Variants in PROSER1 observed in about 807,000 individuals in gnomAD.
PROSER1 encodes the protein proline and serine-rich protein 1.
Under a neutral mutation model 71.8 loss-of-function variants are expected in PROSER1, and 36 were observed. That is an observed-to-expected ratio of 0.50 (90% CI 0.38 to 0.66). PROSER1 has a LOEUF of 0.66. Among genes scored for constraint, PROSER1 ranks in the 30% least tolerant of loss-of-function variants. The pLI, the probability that PROSER1 is intolerant of heterozygous loss-of-function variation, is 0.00. For missense variants in PROSER1, 1,107 were observed against 1,135.0 expected (o/e 0.98, Z 0.35); for synonymous variants, 490 against 452.4 (o/e 1.08, Z -1.06).
chr13:39,031,714 G>A (rs775531182), intron 2 of PROSER1, 83 bp from the exon 3 acceptor site: 3 of 1,249,780 alleles, frequency 2.4e-6, no homozygotes, highest in African/African-American at 3.0e-5. Flanking sequence ...ATTATAATTC[G>A]ACACGTGCAG....
At chr13:39,018,318 C>T (rs367633388) in intron 9 of PROSER1, among the ~76,000 whole-genome samples, 202 of 152,228 alleles carry the variant, frequency 1.3e-3, no homozygotes, top group African/African-American at 4.8e-3. Flanking sequence ...AATACTGTGA[C>T]AGGCATACAG....
chr13:39,033,133 T>C (rs1870937480), intron 2 of PROSER1, among the ~76,000 whole-genome samples: 1 of 152,202 alleles, frequency 6.6e-6, no homozygotes, highest in African/African-American at 2.4e-5. Context: ...TTGGCCAGTC[T>C]GGTCTTGAAC....
intron 4 of PROSER1, 160 bp downstream of exon 4, chr13:39,029,121 A>T: frequency 2.1e-6 from 1 of 482,696 alleles, no homozygotes; most frequent in Non-Finnish European, 3.6e-6. Context: ...TATATGTAAT[A>T]AGTACACTAG....
chr13:39,014,467 G>T lies in PROSER1; in HGVS notation c.785C>A (p.Thr262Asn). Reference sequence around the variant, plus strand: ...AGGAGAAAAGAGTTGACTTGCTGGGGTGGAAAATGCTATATGGAAGGGGGA... The same window carrying T: ...AGGAGAAAAGAGTTGACTTGCTGGGTTGGAAAATGCTATATGGAAGGGGGA... Reference protein sequence around the residue: ...SKPIQNQTFSTPASQLFSPHG... With the variant: ...SKPIQNQTFSNPASQLFSPHG... The change falls in exon 11 of 13, where the codon ACC becomes AAC. Residue 262 changes from threonine to asparagine, a missense_variant. Transcript: ENST00000352251. 1 of 1,605,768 alleles carries T rather than the reference G, an allele frequency of 6.2e-7. No homozygotes were observed. Among genetic ancestry groups the T allele is most frequent in the South Asian group, 1.1e-5 (1 of 90,528 alleles).
intron 10 of PROSER1, among the ~76,000 whole-genome samples, chr13:39,014,789 G>C (rs1323125685): frequency 6.6e-6 from 1 of 152,128 alleles, no homozygotes; most frequent in Non-Finnish European, 1.5e-5. Context: ...TTTTAATTGT[G>C]ATTAGTGCTG....
At chr13:39,025,121 A>AAT (rs1870484334) in intron 6 of PROSER1, among the ~76,000 whole-genome samples, 1 of 152,170 alleles carries the variant, frequency 6.6e-6, no homozygotes, top group Admixed American at 6.5e-5. Flanking sequence ...CAGTATGTAT[A>AAT]ATACTCAAAG....
chr13:39,031,507 G>A, intron 3 of PROSER1, 56 bp downstream of exon 3: 1 of 1,226,388 alleles, frequency 8.2e-7, no homozygotes, highest in South Asian at 1.3e-5. Context: ...ACACACAACT[G>A]GGAGAATTAA....
chr13:39,018,498 AC>A (rs772454069), intron 9 of PROSER1, among the ~76,000 whole-genome samples: 9,452 of 151,588 alleles, frequency 0.062, 521 homozygotes, highest in African/African-American at 0.13. Context: ...ACACACACAC[AC>A]ACACACACAC....
At chr13:39,028,956 CA>C (rs35534965) in intron 4 of PROSER1, 4,889 of 91,350 alleles carry the variant, frequency 0.054, 30 homozygotes, top group Middle Eastern at 0.13. Flanking sequence ...AGCACCTTGC[CA>C]AAAAAAAAAA....
chr13:39,029,219 T>G (rs1870697672), intron 4 of PROSER1, 62 bp downstream of exon 4: 17 of 959,556 alleles, frequency 1.8e-5, no homozygotes, highest in Non-Finnish European at 2.0e-5. Flanking sequence ...AATTAGACAC[T>G]TAAAACGCTT....
At position 39,035,497 on chromosome 13, in the gene PROSER1, G is replaced by A. The variant is rs1485909247; in HGVS notation, c.46-1301C>T. On this transcript the variant is annotated intron_variant, in intron 1 of 12. Transcript: ENST00000352251. ...GTACAGTGCCTACACCTCATGCGTT[G>A]TAAGGAGAATCAAAACAAATAATGA... is the stretch of plus-strand genomic sequence containing the variant. Among the ~76,000 whole-genome samples the A allele has an allele frequency of 2.0e-5, 3 of 152,208 alleles. No homozygotes were observed. In the East Asian group the frequency reaches 5.8e-4, roughly 29 times the overall value.
chr13:39,020,320 C>T (rs1427870216), intron 9 of PROSER1, among the ~76,000 whole-genome samples: 1 of 151,976 alleles, frequency 6.6e-6, no homozygotes, highest in Non-Finnish European at 1.5e-5. Context: ...GACTTACTAT[C>T]ATAAAAATGT....
chr13:39,029,985 C>G (rs546076936), intron 3 of PROSER1, among the ~76,000 whole-genome samples: 1 of 152,228 alleles, frequency 6.6e-6, no homozygotes, highest in Non-Finnish European at 1.5e-5. Flanking sequence ...GAAGAACATT[C>G]AGAAGATTTG....
At chr13:39,031,961 C>T (rs1870866592) in intron 2 of PROSER1, among the ~76,000 whole-genome samples, 1 of 152,060 alleles carries the variant, frequency 6.6e-6, no homozygotes, top group Admixed American at 6.5e-5. Flanking sequence ...CTAGACAGCA[C>T]TGGTCTAGAA....
At chr13:39,022,569 T>C in intron 8 of PROSER1, 157 bp from the exon 9 acceptor site, 1 of 551,752 alleles carries the variant, frequency 1.8e-6, no homozygotes, top group Non-Finnish European at 3.2e-6. Flanking sequence ...GGTTTATGTC[T>C]AGAGTTAAGT....
chr13:39,018,800 C>T (rs1393279833), intron 9 of PROSER1, among the ~76,000 whole-genome samples: 5 of 151,834 alleles, frequency 3.3e-5, no homozygotes, highest in South Asian at 4.2e-4. Context: ...AAAAGAATAA[C>T]GAAAACAAAA....
intron 10 of PROSER1, among the ~76,000 whole-genome samples, chr13:39,016,862 A>G (rs1870029710): frequency 6.6e-6 from 1 of 152,190 alleles, no homozygotes. Context: ...ATGTACTACA[A>G]TGGTCAGGCT....
intron 9 of PROSER1, among the ~76,000 whole-genome samples, chr13:39,020,173 T>C (rs1043136213): frequency 6.6e-6 from 1 of 151,780 alleles, no homozygotes; most frequent in Non-Finnish European, 1.5e-5. Context: ...CTCTAAATTC[T>C]ATAGACAGAT....
At position 39,036,241 on chromosome 13, in the gene PROSER1, A is replaced by G. The variant is rs539768669; in HGVS notation, c.45+957T>C. On this transcript the variant is annotated intron_variant, in intron 1 of 12. Transcript: ENST00000352251. ...AGAACTTGTTCAAAAAAGAATGTTC[A>G]GTATTATCAAATATGAAAACTTAAA... Among the ~76,000 whole-genome samples, 24 of 152,392 alleles carry G rather than the reference A, an allele frequency of 1.6e-4. No individual in the cohort carries two copies. In the East Asian group the frequency reaches 1.7e-3, roughly 11 times the overall value.
Sources: gnomAD v4.1 joint callset for allele counts (sites outside exome capture counted in the v4.1 genomes callset) on GRCh38, gnomAD v4.1.1 for gene constraint, MANE v1.5 for transcripts, NCBI Gene and HGNC (gene_info 2026-07-23, HGNC 2026-07-21) for gene names.